CLPTM1: variants seen among roughly 807,000 people sequenced by gnomAD.
CLPTM1 encodes CLPTM1 regulator of GABA type A receptor forward trafficking.
A neutral mutation model predicts 77.3 loss-of-function variants in CLPTM1; 21 were observed. The ratio of observed to expected loss-of-function variants is 0.27; its 90% CI spans 0.19 to 0.39. The LOEUF is 0.39. Ranked by LOEUF, CLPTM1 falls within the 10% of genes least tolerant of loss-of-function variation. The pLI is 1.00. For synonymous variants in CLPTM1, 373 were observed against 381.0 expected (o/e 0.98, Z 0.24); for missense variants, 642 against 921.2 (o/e 0.70, Z 3.92).
chr19:44,988,268 C>A, intron 9 of CLPTM1, 95 bp downstream of exon 9: 1 of 928,682 alleles, frequency 1.1e-6, no homozygotes, highest in East Asian at 2.4e-5. Flanking sequence ...CATGTCCTCC[C>A]CCTGCCTGGG....
At chr19:44,969,025 C>T (rs1277396596) in intron 2 of CLPTM1, among the ~76,000 whole-genome samples, 1 of 152,104 alleles carries the variant, frequency 6.6e-6, no homozygotes, top group African/African-American at 2.4e-5. Context: ...CAGGGAGGCA[C>T]CCCACCCACA....
chr19:44,973,000 C>T, intron 2 of CLPTM1, 87 bp from the exon 3 acceptor site: 2 of 1,552,210 alleles, frequency 1.3e-6, no homozygotes, highest in South Asian at 1.2e-5. Flanking sequence ...CAGGCGCCAG[C>T]ATGTGCTAAG....
chr19:44,987,988 C>G, intron 8 of CLPTM1, 92 bp from the exon 9 acceptor site: 2 of 940,896 alleles, frequency 2.1e-6, no homozygotes, highest in East Asian at 2.4e-5. Flanking sequence ...CAGCCTCCCT[C>G]TACAGGCGGC....
At position 44,992,722 on chromosome 19, in the gene CLPTM1, C is replaced by G; in HGVS notation, c.1835C>G (p.Ala612Gly). 1 of 1,613,406 alleles carries G rather than the reference C, an allele frequency of 6.2e-7. No homozygotes were observed. Among genetic ancestry groups the G allele is most frequent in the Non-Finnish European group, 8.5e-7 (1 of 1,179,862 alleles). Residue 612 changes from alanine (A) to glycine (G), a missense_variant, in exon 14 of 14, where the codon GCC becomes GGC. Transcript: ENST00000337392. The surrounding 1 kb of genome is among the most constrained non-coding windows in gnomAD (Gnocchi z 7.7). ...GEDPTAAAPVAEVPTAAGALT... is the reference protein window; with the variant it reads ...GEDPTAAAPVGEVPTAAGALT... ...GACCCCACAGCTGCCGCCCCCGTGG[C>G]CGAGGTTCCCACAGCAGCAGGGGCC... is the stretch of plus-strand genomic sequence containing the variant.
chr19:44,988,587 A>G lies in CLPTM1; in HGVS notation c.1132+414A>G, dbSNP rs563776683. On this transcript the variant is annotated intron_variant, in intron 9 of 13. Transcript: ENST00000337392. ...GGAGCACTGTCCCCCAAAGGTCCCT[A>G]GGTTCTAAGGCTGACCATACTGATG... 2.6e-5 allele frequency among the ~76,000 whole-genome samples: 4 copies of G among 152,318 alleles called. No individual in the cohort carries two copies. The East Asian group carries it at 7.7e-4, about 29-fold the overall frequency.
intron 2 of CLPTM1, among the ~76,000 whole-genome samples, chr19:44,968,468 C>T (rs1970668669): frequency 1.3e-5 from 2 of 152,052 alleles, no homozygotes; most frequent in Non-Finnish European, 2.9e-5. Context: ...TGTAGAATAC[C>T]TATTTGGGTG....
upstream of CLPTM1, chr19:44,954,650 T>C: frequency 9.0e-7 from 1 of 1,105,168 alleles, no homozygotes; most frequent in Non-Finnish European, 1.1e-6. Flanking sequence ...ACACAGCTAA[T>C]GAAAAATTGT....
At position 44,990,985 on chromosome 19, in the gene CLPTM1, A is replaced by G. The variant is rs1387365297; in HGVS notation, c.1419+40A>G. On this transcript the variant is annotated intron_variant, in intron 11 of 13. Transcript: ENST00000337392. This position sits in a 1 kb window ranked among gnomAD's most constrained non-coding sequence, Gnocchi z 4.8. ...CAGTGGGCCCCTGGGGGTGGTCTCC[A>G]GGTACCACGTATCCCTGAGGCACCC... 4 of 1,386,730 alleles carry G rather than the reference A, an allele frequency of 2.9e-6. No homozygotes were observed. In the Admixed American group the frequency reaches 9.1e-5, roughly 31 times the overall value. 85.9% of individuals were successfully genotyped at this position (1,386,730 alleles called of 1,614,324 possible). A position where few individuals can be genotyped will look rare whatever the true frequency, so the allele number is the denominator to read the frequency against.
At chr19:44,962,737 C>G (rs1339366622) in intron 2 of CLPTM1, among the ~76,000 whole-genome samples, 1 of 152,066 alleles carries the variant, frequency 6.6e-6, no homozygotes, top group Non-Finnish European at 1.5e-5. Context: ...TGAGACCAGC[C>G]TGGGCAACAT....
At position 44,993,191 on chromosome 19, in the gene CLPTM1, G is replaced by A. The variant is rs919041278; in HGVS notation, c.*294G>A. 5.3e-6 allele frequency: 3 copies of A among 564,542 alleles called. No homozygotes were observed. Among genetic ancestry groups the A allele is most frequent in the Non-Finnish European group, 1.0e-5 (3 of 298,270 alleles). The allele number at this position is 564,542 out of a possible 1,614,324, so 35.0% of individuals were successfully genotyped here. A position where few individuals can be genotyped will look rare whatever the true frequency, so the allele number is the denominator to read the frequency against. On this transcript the variant is annotated 3_prime_UTR_variant, in exon 14 of 14. Coordinates refer to ENST00000337392, the MANE Select transcript of CLPTM1 (RefSeq NM_001294.4). The stretch of plus-strand genomic sequence containing the variant: ...TGCAGCGTTGCCGAGGGGGTGGGTT[G>A]GGCGGGGGTGGGGCCGGGCCCCCCT...
chr19:44,962,198 C>CA, intron 2 of CLPTM1, 123 bp downstream of exon 2: 1 of 370,750 alleles, frequency 2.7e-6, no homozygotes. Flanking sequence ...TGCTTTTTTT[C>CA]TTTTTTTTTT....
At chr19:44,965,755 A>G (rs1205356911) in intron 2 of CLPTM1, among the ~76,000 whole-genome samples, 3 of 152,264 alleles carry the variant, frequency 2.0e-5, no homozygotes, top group Non-Finnish European at 1.5e-5. Flanking sequence ...CGGAGCTTAC[A>G]GTGAGCCCAG....
intron 3 of CLPTM1, among the ~76,000 whole-genome samples, chr19:44,973,715 C>A (rs1037472518): frequency 6.8e-6 from 1 of 147,896 alleles, no homozygotes; most frequent in East Asian, 2.0e-4. Context: ...GCAAACATGG[C>A]CATTGGGGCT....
chr19:44,989,115 A>G (rs1385580621), intron 9 of CLPTM1, among the ~76,000 whole-genome samples: 1 of 152,140 alleles, frequency 6.6e-6, no homozygotes, highest in Non-Finnish European at 1.5e-5. Context: ...GCCGTGAGCC[A>G]TGATCACACC....
In CLPTM1 at chr19:44,991,137, T is replaced by G; in HGVS notation, c.1420-101T>G. 3.2e-6 allele frequency: 5 copies of G among 1,569,878 alleles called. No individual in the cohort carries two copies. Among genetic ancestry groups the G allele is most frequent in the Non-Finnish European group, 4.3e-6 (5 of 1,154,966 alleles). ...CCCAGGGCTACCTGGAAATTCCCCC[T>G]GCCCGGCCTGCCAGACCAGGTGTGG... On this transcript the variant is annotated intron_variant, in intron 11 of 13. Coordinates refer to ENST00000337392, the MANE Select transcript of CLPTM1 (RefSeq NM_001294.4). This position sits in a 1 kb window ranked among gnomAD's most constrained non-coding sequence, Gnocchi z 5.4.
chr19:44,956,878 C>T (rs1164817283), intron 1 of CLPTM1, among the ~76,000 whole-genome samples: 4 of 152,118 alleles, frequency 2.6e-5, no homozygotes, highest in East Asian at 1.9e-4. Flanking sequence ...TTGCACGATC[C>T]GACACTTTTC....
chr19:44,985,390 C>A, intron 6 of CLPTM1, 87 bp downstream of exon 6: 1 of 912,006 alleles, frequency 1.1e-6, no homozygotes, highest in Non-Finnish European at 1.8e-6. Flanking sequence ...TCATCTGTCA[C>A]CACCACTGAA....
chr19:44,960,230 A>C (rs1469584461), intron 1 of CLPTM1, among the ~76,000 whole-genome samples: 1 of 152,166 alleles, frequency 6.6e-6, no homozygotes, highest in African/African-American at 2.4e-5. Flanking sequence ...CTCCTCAGGG[A>C]GGCCTCTCTG....
chr19:44,978,260 C>A (rs893413340), intron 5 of CLPTM1, among the ~76,000 whole-genome samples: 9 of 151,742 alleles, frequency 5.9e-5, no homozygotes, highest in Admixed American at 1.3e-4. Context: ...CAAAAATTAG[C>A]TGGGTGTAGT....
Sources: allele counts gnomAD v4.1 joint callset (sites outside exome capture counted in the v4.1 genomes callset), GRCh38; gene constraint gnomAD v4.1.1; non-coding constraint Gnocchi (gnomAD v3.1); transcripts MANE v1.5; gene names NCBI Gene and HGNC (gene_info 2026-07-23, HGNC 2026-07-21).